Variants in DOCK9 observed in about 807,000 individuals in gnomAD.
DOCK9 encodes the protein dedicator of cytokinesis protein 9.
In DOCK9, 89 loss-of-function variants were observed where a neutral mutation model predicts 263.3. The observed-to-expected ratio is 0.34, with a 90% CI of 0.28 to 0.40. The LOEUF (loss-of-function observed/expected upper bound fraction) is 0.40, where lower values mean the gene tolerates loss of function less well. DOCK9 is among the 10% of genes least tolerant of loss of function. The pLI is 1.00. For missense variants in DOCK9, 2,140 were observed against 2,603.4 expected, an observed-to-expected ratio of 0.82 and a Z score of 3.87; for synonymous variants, 976 against 973.1, an observed-to-expected ratio of 1.00 and a Z score of -0.06.
intron 2 of DOCK9, among the ~76,000 whole-genome samples, chr13:98,943,850 TA>T (rs35179205): frequency 0.2 from 30,681 of 152,120 alleles, 3,621 homozygotes; most frequent in African/African-American, 0.33. Flanking sequence ...TAAAGAGGGA[TA>T]GGGGATGAAT....
intron 1 of DOCK9, among the ~76,000 whole-genome samples, chr13:99,037,340 T>A (rs1211667879): frequency 1.3e-5 from 2 of 151,514 alleles, no homozygotes; most frequent in African/African-American, 4.9e-5. Flanking sequence ...CCAAAAAAAA[T>A]ACACAGAAAG....
chr13:98,811,502 G>A (rs537529383), intron 45 of DOCK9, among the ~76,000 whole-genome samples: 9 of 152,028 alleles, frequency 5.9e-5, no homozygotes, highest in Non-Finnish European at 1.2e-4. Flanking sequence ...GGGTACAGTG[G>A]CATGATCTTG....
chr13:99,003,602 C>T (rs1300626468), intron 1 of DOCK9, among the ~76,000 whole-genome samples: 4 of 152,220 alleles, frequency 2.6e-5, no homozygotes, highest in East Asian at 1.9e-4. Flanking sequence ...AGTGCTCCCA[C>T]CTCAGCAGGT....
chr13:98,795,619 T>C (rs1193865267), intron 52 of DOCK9, among the ~76,000 whole-genome samples: 2 of 152,190 alleles, frequency 1.3e-5, no homozygotes, highest in African/African-American at 4.8e-5. Context: ...CGGCACCCAC[T>C]GACCAAACTC....
At chr13:98,851,550 G>A (rs2093571943) in intron 35 of DOCK9, among the ~76,000 whole-genome samples, 1 of 152,222 alleles carries the variant, frequency 6.6e-6, no homozygotes. Context: ...CTGGGCCCCA[G>A]GTACTGGTTG....
At chr13:98,887,954 AAC>A (rs2046042486) in intron 18 of DOCK9, among the ~76,000 whole-genome samples, 1 of 152,176 alleles carries the variant, frequency 6.6e-6, no homozygotes, top group African/African-American at 2.4e-5. Flanking sequence ...AAGAATAAAA[AAC>A]AGTCAATTAG....
chr13:98,950,826 G>C lies in DOCK9; in HGVS notation c.243+4609C>G, dbSNP rs550347633. ...AGGAGCTTAAAAGCCAGATGAAGAT[G>C]CCGTCGGTTAATCGCAGGGTTAACA... On this transcript the variant is annotated intron_variant, in intron 2 of 52. Transcript: ENST00000682017. Among the ~76,000 whole-genome samples, 7 of 152,310 alleles carry C rather than the reference G, an allele frequency of 4.6e-5. No individual in the cohort carries two copies. In the South Asian group the frequency reaches 1.2e-3, roughly 27 times the overall value.
At chr13:98,815,470 T>G (rs75795790) in intron 45 of DOCK9, among the ~76,000 whole-genome samples, 10,743 of 152,202 alleles carry the variant, frequency 0.071, 531 homozygotes, top group African/African-American at 0.13. Flanking sequence ...TAAAATTTTT[T>G]TTTGTTTGTT....
intron 1 of DOCK9, among the ~76,000 whole-genome samples, chr13:98,977,159 T>G (rs1874987699): frequency 6.6e-6 from 1 of 152,110 alleles, no homozygotes; most frequent in South Asian, 2.1e-4. Flanking sequence ...ATTCCTCCCC[T>G]CCAAAGTCCA....
rs370702552 is a variant in DOCK9, at chr13:98,824,445, C to T, written c.5083G>A (p.Ala1695Thr). 7 of 1,613,906 alleles carry T rather than the reference C, an allele frequency of 4.3e-6. No homozygotes were observed. The highest frequency in any genetic ancestry group is 5.9e-6 in the Non-Finnish European group (7 of 1,179,810). ...ATCCCCACGTCTTCCATCATGGAGGCCTCCTCGTCGATGTTTGGGGTAATG... is the reference window on the plus strand; with the variant it reads ...ATCCCCACGTCTTCCATCATGGAGGTCTCCTCGTCGATGTTTGGGGTAATG... ...RVITPNIDEE[A>T]SMMEDVGMQD... Residue 1695 changes from alanine (A) to threonine (T), a missense_variant, in exon 45 of 53, where the codon GCC (alanine) becomes ACC (threonine). Physicochemically the swap from Ala to Thr is moderately conservative, Grantham distance 58. Around this residue, in one of 2 missense-constraint regions of DOCK9, gnomAD observed 619 missense variants for 861.8 expected, o/e 0.72. Transcript: ENST00000682017.
chr13:98,867,113 A>G (rs756387797), intron 30 of DOCK9: 5 of 467,550 alleles, frequency 1.1e-5, no homozygotes, highest in South Asian at 8.0e-5. Context: ...AAGCTAATTC[A>G]TAAGAAAAAA....
chr13:99,086,193 T>C, intron 1 of DOCK9: 3 of 1,469,792 alleles, frequency 2.0e-6, no homozygotes, highest in Admixed American at 4.7e-5. Context: ...CCCGCCATCC[T>C]CCCCCGGCCC....
At chr13:98,803,189 G>T (rs918285431) in intron 49 of DOCK9, among the ~76,000 whole-genome samples, 1 of 152,110 alleles carries the variant, frequency 6.6e-6, no homozygotes, top group African/African-American at 2.4e-5. Flanking sequence ...TCTCTGAAGC[G>T]CACTCTCTGT....
intron 1 of DOCK9, among the ~76,000 whole-genome samples, chr13:98,987,425 T>C (rs1878726900): frequency 2.0e-5 from 3 of 152,234 alleles, no homozygotes; most frequent in Admixed American, 6.5e-5. Context: ...AACTTGAACA[T>C]TGGTGGATAT....
intron 45 of DOCK9, among the ~76,000 whole-genome samples, chr13:98,815,503 C>G (rs1301006582): frequency 6.6e-6 from 1 of 151,850 alleles, no homozygotes; most frequent in Non-Finnish European, 1.5e-5. Context: ...TTTTTTGAGA[C>G]GGAGTCTCAC....
rs540613557 is a variant in DOCK9, at chr13:99,013,986, G to C, written c.130-58435C>G. 5.3e-5 allele frequency among the ~76,000 whole-genome samples: 8 copies of C among 152,348 alleles called. No individual in the cohort carries two copies. The South Asian group carries it at 1.7e-3, about 32-fold the overall frequency. ...TGCCACATGCACAGACGGCCTGCTG[G>C]TGCAGGCAAGAGTGGTGGGCAAAGA... is the stretch of plus-strand genomic sequence containing the variant. On this transcript the variant is annotated intron_variant, in intron 1 of 32. Transcript: ENST00000427887.
At chr13:98,897,333 T>C (rs2047590924) in intron 15 of DOCK9, among the ~76,000 whole-genome samples, 155 bp downstream of exon 15, 1 of 152,204 alleles carries the variant, frequency 6.6e-6, no homozygotes, top group Admixed American at 6.5e-5. Context: ...TTTCACCCCA[T>C]CTTTCTTCTC....
At chr13:99,070,349 TATAA>T (rs72439301) in intron 1 of DOCK9, among the ~76,000 whole-genome samples, 33,265 of 152,116 alleles carry the variant, frequency 0.22, 3,598 homozygotes, top group Middle Eastern at 0.31. Context: ...TCCTAGAATA[TATAA>T]AAAACAAATC....
intron 1 of DOCK9, among the ~76,000 whole-genome samples, chr13:99,063,130 T>C (rs2041265156): frequency 6.6e-6 from 1 of 152,144 alleles, no homozygotes; most frequent in South Asian, 2.1e-4. Context: ...TAGAGAAGGA[T>C]TTAAGAAACA....
Sources: gnomAD v4.1 joint callset for allele counts (sites outside exome capture counted in the v4.1 genomes callset) on GRCh38, gnomAD v4.1.1 for gene constraint, gnomAD v4.1.1 regional missense constraint, MANE v1.5 for transcripts, NCBI Gene and HGNC (gene_info 2026-07-23, HGNC 2026-07-21) for gene names.